The following RASGRF2 variants were observed in gnomAD, a reference collection of about 807,000 sequenced individuals.
RASGRF2 encodes ras-specific guanine nucleotide-releasing factor 2.
A neutral mutation model predicts 151.0 loss-of-function variants in RASGRF2; 76 were observed. The observed-to-expected ratio is 0.50, with a 90% CI of 0.42 to 0.61. The LOEUF is 0.61. Ranked by LOEUF, RASGRF2 falls within the 20% of genes least tolerant of loss-of-function variation. The pLI is 0.00. For missense variants in RASGRF2, 1,148 were observed against 1,564.6 expected, an observed-to-expected ratio of 0.73 and a Z score of 4.49; for synonymous variants, 504 against 566.5, an observed-to-expected ratio of 0.89 and a Z score of 1.57.
chr5:80,993,091 T>C (rs912022039), intron 1 of RASGRF2, among the ~76,000 whole-genome samples: 3 of 152,212 alleles, frequency 2.0e-5, no homozygotes, highest in Non-Finnish European at 2.9e-5. Flanking sequence ...GGGCCATTTT[T>C]CAATCTGTCC....
At chr5:81,120,306 G>T (rs61151319) in intron 15 of RASGRF2, among the ~76,000 whole-genome samples, 6,498 of 152,250 alleles carry the variant, frequency 0.043, 500 homozygotes, top group African/African-American at 0.15. Context: ...GCTGGACATG[G>T]TGGCTCATGC....
At position 81,208,401 on chromosome 5, in the gene RASGRF2, C is replaced by T; in HGVS notation, c.3119C>T (p.Thr1040Ile). ...GWMKLDKNER[T>I]PYIMKTSQHF... ...ATGAAGCTGGATAAAAACGAAAGAA[C>T]TCCTTACATTATGAAAACCAGCCAA... is the stretch of plus-strand genomic sequence containing the variant. Residue 1040 changes from threonine (T) to isoleucine (I), a missense_variant, in exon 22 of 27, where the codon ACT becomes ATT. Thr to Ile is a moderately conservative substitution (Grantham distance 89). This residue lies in a region of RASGRF2 where 646 missense variants were observed against 807.4 expected (regional missense o/e 0.80). Coordinates refer to ENST00000265080, the MANE Select transcript of RASGRF2 (RefSeq NM_006909.3). The T allele has an allele frequency of 6.2e-7, 1 of 1,614,044 alleles. No individual in the cohort carries two copies. Among genetic ancestry groups the T allele is most frequent in the Non-Finnish European group, 8.5e-7 (1 of 1,179,990 alleles).
chr5:80,994,484 G>A (rs1214326532), intron 1 of RASGRF2, among the ~76,000 whole-genome samples: 2 of 151,746 alleles, frequency 1.3e-5, no homozygotes, highest in Non-Finnish European at 2.9e-5. Context: ...AGTCTTTGTT[G>A]TCCTAGTCCT....
intron 9 of RASGRF2, chr5:81,087,374 G>C: frequency 1.4e-6 from 1 of 701,522 alleles, no homozygotes; most frequent in Non-Finnish European, 2.6e-6. Flanking sequence ...GAAAACAGCT[G>C]TCTGTTGTTC....
intron 17 of RASGRF2, among the ~76,000 whole-genome samples, chr5:81,155,017 C>CTG (rs1754227767): frequency 6.6e-6 from 1 of 152,128 alleles, no homozygotes; most frequent in East Asian, 1.9e-4. Context: ...TTTTGATTTG[C>CTG]ATTTTGCTGA....
chr5:81,005,423 A>G (rs905757247), intron 1 of RASGRF2, among the ~76,000 whole-genome samples: 1 of 152,186 alleles, frequency 6.6e-6, no homozygotes, highest in Non-Finnish European at 1.5e-5. Context: ...AATGGCTCCC[A>G]TGATTCCATT....
intron 1 of RASGRF2, among the ~76,000 whole-genome samples, chr5:81,023,268 A>G (rs1749894761): frequency 6.6e-6 from 1 of 152,232 alleles, no homozygotes; most frequent in Non-Finnish European, 1.5e-5. Flanking sequence ...CATTGTAGAT[A>G]TTGAATTTAA....
chr5:81,205,993 C>A (rs375569830), intron 19 of RASGRF2, among the ~76,000 whole-genome samples: 5 of 152,112 alleles, frequency 3.3e-5, no homozygotes, highest in African/African-American at 9.7e-5. Flanking sequence ...TCATGATCTG[C>A]CCTCCTACTA....
intron 1 of RASGRF2, among the ~76,000 whole-genome samples, chr5:80,973,186 A>C (rs1047720715): frequency 4.6e-5 from 7 of 152,174 alleles, no homozygotes; most frequent in Admixed American, 4.6e-4. Context: ...TGATAGATCA[A>C]ATTGTGGTTA....
chr5:81,210,358 T>C (rs1462775114), intron 22 of RASGRF2, among the ~76,000 whole-genome samples: 5 of 152,262 alleles, frequency 3.3e-5, no homozygotes, highest in African/African-American at 1.2e-4. Flanking sequence ...AGCTCTCACT[T>C]GCCTTCAGGG....
At chr5:81,004,798 A>G (rs1470656490) in intron 1 of RASGRF2, among the ~76,000 whole-genome samples, 3 of 152,222 alleles carry the variant, frequency 2.0e-5, no homozygotes, top group Non-Finnish European at 4.4e-5. Context: ...TGCAGCAAAT[A>G]TGGAAAAGGT....
At chr5:81,151,744 T>G (rs1369049583) in intron 17 of RASGRF2, among the ~76,000 whole-genome samples, 1 of 152,194 alleles carries the variant, frequency 6.6e-6, no homozygotes, top group Non-Finnish European at 1.5e-5. Flanking sequence ...CTGCTGGAAC[T>G]GACATTCCTG....
chr5:81,177,929 G>T (rs931899010), intron 17 of RASGRF2, among the ~76,000 whole-genome samples: 2 of 152,198 alleles, frequency 1.3e-5, no homozygotes, highest in African/African-American at 2.4e-5. Flanking sequence ...TATGGTTTCA[G>T]AAAAGACTGA....
intron 12 of RASGRF2, among the ~76,000 whole-genome samples, chr5:81,106,380 A>G (rs1336105651): frequency 6.6e-6 from 1 of 152,036 alleles, no homozygotes; most frequent in Non-Finnish European, 1.5e-5. Context: ...TTGGGTCTCC[A>G]TTCATTCTCC....
At chr5:81,203,359 C>T (rs1398015784) in intron 19 of RASGRF2, among the ~76,000 whole-genome samples, 1 of 152,140 alleles carries the variant, frequency 6.6e-6, no homozygotes, top group Non-Finnish European at 1.5e-5. Flanking sequence ...GTTGCCAATC[C>T]CCTCAAGACG....
chr5:81,178,801 C>T (rs1197624876), intron 17 of RASGRF2, among the ~76,000 whole-genome samples: 1 of 152,024 alleles, frequency 6.6e-6, no homozygotes, highest in Non-Finnish European at 1.5e-5. Context: ...TGCAGTGGCG[C>T]CGTCTTGGCT....
At chr5:80,994,921 T>A (rs969363981) in intron 1 of RASGRF2, among the ~76,000 whole-genome samples, 5 of 152,160 alleles carry the variant, frequency 3.3e-5, no homozygotes, top group African/African-American at 1.2e-4. Context: ...GTTGTGTAAT[T>A]ACCACCACGA....
chr5:81,207,080 T>C (rs1166918639), intron 20 of RASGRF2, among the ~76,000 whole-genome samples, 166 bp from the exon 21 acceptor site: 1 of 152,232 alleles, frequency 6.6e-6, no homozygotes, highest in African/African-American at 2.4e-5. Context: ...GTCTAAGATA[T>C]TCATGTTGGC....
At chr5:81,034,036 A>G (rs899160410) in intron 1 of RASGRF2, among the ~76,000 whole-genome samples, 1 of 152,234 alleles carries the variant, frequency 6.6e-6, no homozygotes, top group Non-Finnish European at 1.5e-5. Context: ...CAGCCAACAG[A>G]CACATGAAAA....
Sources: gnomAD v4.1 joint callset for allele counts (sites outside exome capture counted in the v4.1 genomes callset) on GRCh38, gnomAD v4.1.1 for gene constraint, gnomAD v4.1.1 regional missense constraint, MANE v1.5 for transcripts, NCBI Gene and HGNC (gene_info 2026-07-23, HGNC 2026-07-21) for gene names.